The following DIP2A variants were observed in gnomAD, a reference collection of about 807,000 sequenced individuals.
DIP2A encodes disco-interacting protein 2 homolog A.
In DIP2A, 85 loss-of-function variants were observed where a neutral mutation model predicts 177.4. The observed-to-expected ratio is 0.48, with a 90% CI of 0.40 to 0.57. The LOEUF is 0.57. DIP2A is among the 20% of genes least tolerant of loss of function. The pLI, the probability that DIP2A is intolerant of heterozygous loss-of-function variation, is 0.00. For missense variants in DIP2A, 1,791 were observed against 2,100.2 expected (o/e 0.85, Z 2.88); for synonymous variants, 886 against 881.8 (o/e 1.00, Z -0.08).
At chr21:46,523,136 G>A (rs2058902197) in intron 8 of DIP2A, among the ~76,000 whole-genome samples, 1 of 151,958 alleles carries the variant, frequency 6.6e-6, no homozygotes, top group African/African-American at 2.4e-5. Context: ...TGTTGATCAG[G>A]CTGGTCTCAA....
rs538584232 is a variant in DIP2A at position 46,499,332 on chromosome 21, A to C, written c.655+499A>C. 8.1e-4 allele frequency among the ~76,000 whole-genome samples: 123 copies of C among 152,304 alleles called. No individual in the cohort carries two copies. The Middle Eastern group carries it at 0.01, about 13-fold the overall frequency. ...CCTGCTCTTGAGGGGAAGCTGGTGC[A>C]TGCAGTAGGTGCAGGGGTAGATGGT... On this transcript the variant is annotated intron_variant, in intron 5 of 37. Transcript: ENST00000417564.
chr21:46,487,880 A>G (rs1337846713), intron 2 of DIP2A, among the ~76,000 whole-genome samples: 1 of 152,208 alleles, frequency 6.6e-6, no homozygotes, highest in Non-Finnish European at 1.5e-5. Context: ...AAACTGGCAG[A>G]TCTCAAGTTA....
At position 46,506,723 on chromosome 21, in the gene DIP2A, TTTTTCTTTCTTTCTTTCTTTCTTTCTTTC is replaced by T. The variant is rs1378753845; in HGVS notation, c.784+2238_784+2266del. On this transcript the variant is annotated intron_variant, in intron 6 of 37. Transcript: ENST00000417564. The stretch of plus-strand genomic sequence containing the variant: ...CTATTTTTTTTTTTAATTGTGCTTG[TTTTTCTTTCTTTCTTTCTTTCTTTCTTTC>T]TTTCTTTCTTTCTTTCTTTCTTTTC... Among the ~76,000 whole-genome samples, 51 of 59,854 alleles carry T rather than the reference TTTTTCTTTCTTTCTTTCTTTCTTTCTTTC, an allele frequency of 8.5e-4. No individual in the cohort carries two copies. In the East Asian group the frequency reaches 9.1e-3, roughly 11 times the overall value. 39.3% of individuals were successfully genotyped at this position (59,854 alleles called of 152,430 possible).
At chr21:46,535,122 A>G (rs998979395) in intron 13 of DIP2A, among the ~76,000 whole-genome samples, 1 of 152,146 alleles carries the variant, frequency 6.6e-6, no homozygotes, top group East Asian at 1.9e-4. Flanking sequence ...TACTTTATCT[A>G]TGACTGTAGT....
chr21:46,504,280 G>A lies in DIP2A; in HGVS notation c.656-81G>A, dbSNP rs560810909. The stretch of plus-strand genomic sequence containing the variant: ...TTAGAACTCAGCTAGTGGAGCTTTA[G>A]ACTAACGGGGTTTCAAGAGCAGCTT... On this transcript the variant is annotated intron_variant, in intron 5 of 37. Coordinates refer to ENST00000417564, the MANE Select transcript of DIP2A (RefSeq NM_015151.4). 3.1e-5 allele frequency: 49 copies of A among 1,557,778 alleles called. No homozygotes were observed. The South Asian group carries it at 4.9e-4, about 15-fold the overall frequency.
At chr21:46,523,420 T>C (rs1205750373) in intron 8 of DIP2A, among the ~76,000 whole-genome samples, 17 of 114,422 alleles carry the variant, frequency 1.5e-4, no homozygotes, top group Admixed American at 7.9e-4. Context: ...TTTTTTTTTG[T>C]ATTTTTAGTA....
chr21:46,503,728 TTTC>T (rs1170074017), intron 5 of DIP2A, among the ~76,000 whole-genome samples: 1 of 151,454 alleles, frequency 6.6e-6, no homozygotes, highest in Non-Finnish European at 1.5e-5. Flanking sequence ...TCCTTCTTTC[TTTC>T]TTTTTTCTTT....
chr21:46,567,843 G>A lies in DIP2A; in HGVS notation c.*221G>A, dbSNP rs2060880799. 2.0e-6 allele frequency: 1 copy of A among 494,510 alleles called. No individual in the cohort carries two copies. The highest frequency in any genetic ancestry group is 2.0e-5 in the African/African-American group (1 of 51,032). 30.6% of individuals were successfully genotyped at this position (494,510 alleles called of 1,614,324 possible). A position where few individuals can be genotyped will look rare whatever the true frequency, so the allele number is the denominator to read the frequency against. On this transcript the variant is annotated 3_prime_UTR_variant, in exon 38 of 38. Transcript: ENST00000417564. ...TACATTTACAAAAACACGGATGCTG[G>A]TATTTTAACAGATGGAGAGACAAGG...
rs142779683 is a variant in DIP2A, at chr21:46,502,383, C to G, written c.656-1978C>G. ...CTGGGCTCAAGTGATCCTCCTGCCTCAGCCTCCCAAAGTGCTGGGATTATA... is the reference window on the plus strand; with the variant it reads ...CTGGGCTCAAGTGATCCTCCTGCCTGAGCCTCCCAAAGTGCTGGGATTATA... On this transcript the variant is annotated intron_variant, in intron 5 of 37. Transcript: ENST00000417564. Among the ~76,000 whole-genome samples, 11 of 151,176 alleles carry G rather than the reference C, an allele frequency of 7.3e-5. No homozygotes were observed. The East Asian group carries it at 2.0e-3, about 27-fold the overall frequency.
intron 35 of DIP2A, 73 bp from the exon 36 acceptor site, chr21:46,565,640 G>T: frequency 8.5e-6 from 12 of 1,419,814 alleles, no homozygotes; most frequent in Non-Finnish European, 1.1e-5. Context: ...TTCTTGGCCA[G>T]TGGATGTCTC....
At position 46,550,840 on chromosome 21, in the gene DIP2A, A is replaced by G. The variant is rs551396033; in HGVS notation, c.2839+96A>G. The stretch of plus-strand genomic sequence containing the variant: ...CGGCCCTGCTAGACCTCCAGTGCCA[A>G]CTGCCCACGTCTTTGGGGCTGGGGT... On this transcript the variant is annotated intron_variant, in intron 23 of 37. Coordinates refer to ENST00000417564, the MANE Select transcript of DIP2A (RefSeq NM_015151.4). 5.6e-6 allele frequency: 7 copies of G among 1,251,446 alleles called. No homozygotes were observed. The African/African-American group carries it at 7.4e-5, about 13-fold the overall frequency. The allele number at this position is 1,251,446 out of a possible 1,614,324, so 77.5% of individuals were successfully genotyped here.
chr21:46,506,666 C>T (rs1339010834), intron 6 of DIP2A, among the ~76,000 whole-genome samples: 1 of 150,476 alleles, frequency 6.6e-6, no homozygotes, highest in Non-Finnish European at 1.5e-5. Flanking sequence ...CTGTGTATCT[C>T]TTGAGGGAAA....
At chr21:46,469,915 G>A (rs2055198263) in intron 1 of DIP2A, among the ~76,000 whole-genome samples, 1 of 152,138 alleles carries the variant, frequency 6.6e-6, no homozygotes. Context: ...CAGGTCAGGG[G>A]CCAGGATACC....
At chr21:46,546,402 C>A in intron 20 of DIP2A, 1 of 783,470 alleles carries the variant, frequency 1.3e-6, no homozygotes, top group Non-Finnish European at 1.6e-6. Context: ...CTTGTCACAA[C>A]TCAAGGGAGG....
At chr21:46,525,410 C>G (rs1235769746) in intron 8 of DIP2A, among the ~76,000 whole-genome samples, 1 of 152,140 alleles carries the variant, frequency 6.6e-6, no homozygotes, top group Non-Finnish European at 1.5e-5. Flanking sequence ...ACAGCCCTTG[C>G]CCCACTCTTC....
chr21:46,471,948 T>C (rs191186152), intron 1 of DIP2A, among the ~76,000 whole-genome samples: 5 of 152,384 alleles, frequency 3.3e-5, no homozygotes, highest in Admixed American at 1.3e-4. Context: ...TTTTACACTC[T>C]TTCAGATTTT....
chr21:46,522,113 T>G (rs543221494), intron 8 of DIP2A, among the ~76,000 whole-genome samples: 39 of 152,384 alleles, frequency 2.6e-4, no homozygotes, highest in African/African-American at 9.1e-4. Context: ...GAAGATATTT[T>G]TATTTTACCA....
chr21:46,537,294 T>C lies in DIP2A; in HGVS notation c.1707+6T>C. 1 of 1,613,868 alleles carries C rather than the reference T, an allele frequency of 6.2e-7. No individual in the cohort carries two copies. The highest frequency in any genetic ancestry group is 8.5e-7 in the Non-Finnish European group (1 of 1,179,838). Reference sequence around the variant, plus strand: ...TGTGGCATGGCGTGTTAACAGTGAGTGTTGTTTGCTGATGACTAACTGTTG... The same window carrying C: ...TGTGGCATGGCGTGTTAACAGTGAGCGTTGTTTGCTGATGACTAACTGTTG... On this transcript the variant is annotated splice_donor_region_variant and intron_variant, in intron 14 of 37. Coordinates refer to ENST00000417564, the MANE Select transcript of DIP2A (RefSeq NM_015151.4). The surrounding 1 kb of genome is among the most constrained non-coding windows in gnomAD (Gnocchi z 4.1).
At chr21:46,494,620 T>C (rs942073981) in intron 3 of DIP2A, among the ~76,000 whole-genome samples, 4 of 152,272 alleles carry the variant, frequency 2.6e-5, no homozygotes, top group African/African-American at 9.6e-5. Flanking sequence ...AAGATGAATA[T>C]TTAATTCTTT....
Sources: allele counts gnomAD v4.1 joint callset (sites outside exome capture counted in the v4.1 genomes callset), GRCh38; gene constraint gnomAD v4.1.1; non-coding constraint Gnocchi (gnomAD v3.1); transcripts MANE v1.5; gene names NCBI Gene and HGNC (gene_info 2026-07-23, HGNC 2026-07-21).